KDM5C: variants seen among roughly 807,000 people sequenced by gnomAD.
The protein encoded by KDM5C is lysine-specific demethylase 5C.
A neutral mutation model predicts 110.6 loss-of-function variants in KDM5C; 16 were observed. The ratio of observed to expected loss-of-function variants is 0.14; its 90% CI spans 0.10 to 0.22. The LOEUF (loss-of-function observed/expected upper bound fraction) is 0.22. KDM5C is among the 10% of genes least tolerant of loss of function. The pLI is 1.00. For synonymous variants in KDM5C, 511 were observed against 520.4 expected (o/e 0.98, Z 0.24); for missense variants, 681 against 1,300.9 (o/e 0.52, Z 7.33).
chrX:53,207,968 C>CAAAAAAAAAAAAA (rs781945536), intron 12 of KDM5C, among the ~76,000 whole-genome samples: 2 of 30,593 alleles, frequency 6.5e-5, no homozygotes, highest in Non-Finnish European at 1.2e-4. Flanking sequence ...GACTCTGTCT[C>CAAAAAAAAAAAAA]AAAAAAAAAA....
At chrX:53,208,563 T>C (rs1256156276) in intron 12 of KDM5C, among the ~76,000 whole-genome samples, 1 of 90,607 alleles carries the variant, frequency 1.1e-5, no homozygotes, top group Non-Finnish European at 2.1e-5. Flanking sequence ...TGGAATGCAA[T>C]GGCACGATCT....
chrX:53,196,588 G>A (rs1336247377), intron 19 of KDM5C, 98 bp downstream of exon 19: 10 of 682,725 alleles, frequency 1.5e-5, no homozygotes, highest in Admixed American at 2.4e-5. Flanking sequence ...ACACAGGAGC[G>A]TGATACCTAA....
intron 20 of KDM5C, 69 bp from the exon 21 acceptor site, chrX:53,195,479 C>T: frequency 9.8e-7 from 1 of 1,019,625 alleles, no homozygotes; most frequent in Non-Finnish European, 1.4e-6. Flanking sequence ...CTGTGCCTGG[C>T]CCTGAGCTGG....
At position 53,192,165 on chromosome X, in the gene KDM5C, A is replaced by C. The variant is rs1279243678; in HGVS notation, c.*802T>G. The C allele has an allele frequency of 5.7e-6, 1 of 176,158 alleles. No homozygotes were observed. Among genetic ancestry groups the C allele is most frequent in the Non-Finnish European group, 1.1e-5 (1 of 91,600 alleles). The allele number at this position is 176,158 out of a possible 1,213,427, so 14.5% of individuals were successfully genotyped here. On this transcript the variant is annotated 3_prime_UTR_variant, in exon 26 of 26. Transcript: ENST00000375401. ...ATGCACTTCAGAAACATGTTTCCAA[A>C]AAATGTTTCTAAGGGTTTTATTTCT...
chrX:53,188,693 ACG>A (rs1934308666), downstream of KDM5C, among the ~76,000 whole-genome samples: 1 of 111,399 alleles, frequency 9.0e-6, no homozygotes, highest in Non-Finnish European at 1.9e-5. Context: ...CTTACTTCTA[ACG>A]AATAGAATAT....
chrX:53,215,713 G>A, intron 7 of KDM5C, 82 bp downstream of exon 7: 4 of 1,053,606 alleles, frequency 3.8e-6, no homozygotes, highest in South Asian at 1.9e-5. Context: ...TGGTTAATGC[G>A]AACTGGTCCA....
Position 53,194,520 on chromosome X carries a change from G to A in KDM5C, c.3657C>T (p.Leu1219=), listed in dbSNP as rs1556834384. 4.1e-6 allele frequency: 5 copies of A among 1,211,280 alleles called. No individual in the cohort carries two copies. Among genetic ancestry groups the A allele is most frequent in the Non-Finnish European group, 5.6e-6 (5 of 895,163 alleles). ...FHGRCVSVPR[L]LSSPRPNPTS... is the part of the protein sequence containing the mutation. ...TGGGATTGGGCCTCGGAGAGCTGAG[G>A]AGGCGAGGCACTGACACACACCGCC... Residue 1219 remains leucine (L), a synonymous_variant, in exon 23 of 26, where the codon CTC becomes CTT. Transcript: ENST00000375401.
chrX:53,202,071 C>A (rs1354018319), intron 12 of KDM5C, 98 bp from the exon 13 acceptor site: 4 of 1,014,813 alleles, frequency 3.9e-6, no homozygotes, highest in Non-Finnish European at 5.5e-6. Flanking sequence ...AGAAAAGCCT[C>A]AGGGAACACA....
intron 25 of KDM5C, among the ~76,000 whole-genome samples, chrX:53,183,607 C>T (rs1266229204): frequency 1.2e-4 from 12 of 102,347 alleles, no homozygotes; most frequent in Admixed American, 1.1e-3. Flanking sequence ...CTTGCTCTGT[C>T]ACCCAGGCTG....
chrX:53,190,081 T>C (rs1456287389), downstream of KDM5C, among the ~76,000 whole-genome samples: 1 of 112,258 alleles, frequency 8.9e-6, no homozygotes, highest in Non-Finnish European at 1.9e-5. Context: ...GGTGAGAAGA[T>C]ACCCACTGCT....
intron 12 of KDM5C, among the ~76,000 whole-genome samples, chrX:53,205,323 A>G (rs2073291667): frequency 8.9e-6 from 1 of 112,037 alleles, no homozygotes; most frequent in Admixed American, 9.5e-5. Context: ...CATCCTAACA[A>G]TATCAAATCT....
intron 25 of KDM5C, among the ~76,000 whole-genome samples, chrX:53,183,251 C>A (rs1435491773): frequency 3.0e-5 from 2 of 66,763 alleles, no homozygotes; most frequent in African/African-American, 1.0e-4. Flanking sequence ...CAGAGTGAGA[C>A]CCTGTCTCTA....
At chrX:53,183,866 C>A (rs1556827221) in intron 25 of KDM5C, among the ~76,000 whole-genome samples, 1 of 112,044 alleles carries the variant, frequency 8.9e-6, no homozygotes. Flanking sequence ...AGCAACCGCA[C>A]CCCGCTAGCT....
intron 8 of KDM5C, among the ~76,000 whole-genome samples, chrX:53,213,148 G>A (rs1556849832): frequency 8.9e-6 from 1 of 112,219 alleles, no homozygotes; most frequent in Non-Finnish European, 1.9e-5. Flanking sequence ...TATTTTAGAT[G>A]AGAACAATAT....
chrX:53,192,860 C>CCCCCCCG lies in KDM5C; in HGVS notation c.*106_*107insCGGGGGG. 1 of 675,401 alleles carries CCCCCCCG rather than the reference C, an allele frequency of 1.5e-6. No homozygotes were observed. Among genetic ancestry groups the CCCCCCCG allele is most frequent in the Non-Finnish European group, 2.0e-6 (1 of 507,079 alleles). The allele number at this position is 675,401 out of a possible 1,213,427, so 55.7% of individuals were successfully genotyped here. A position where few individuals can be genotyped will look rare whatever the true frequency, so the allele number is the denominator to read the frequency against. ...GGGGTGGGCGGGTAGCAGGGATGGC[C>CCCCCCCG]ACCCCCCTACCCGCCCACCCCCCAA... is the stretch of plus-strand genomic sequence containing the variant. On this transcript the variant is annotated 3_prime_UTR_variant, in exon 26 of 26. Coordinates refer to ENST00000375401, the MANE Select transcript of KDM5C (RefSeq NM_004187.5).
At chrX:53,181,070 G>A (rs1934032341) in intron 25 of KDM5C, among the ~76,000 whole-genome samples, 1 of 108,879 alleles carries the variant, frequency 9.2e-6, no homozygotes, top group Admixed American at 9.9e-5. Context: ...CGCCCACCTC[G>A]GCCTTCCAAA....
chrX:53,181,122 T>C (rs1934033312), intron 25 of KDM5C, among the ~76,000 whole-genome samples: 1 of 109,110 alleles, frequency 9.2e-6, no homozygotes, highest in Admixed American at 9.9e-5. Flanking sequence ...CTAGCCTATA[T>C]TTATATATAT....
intron 1 of KDM5C, among the ~76,000 whole-genome samples, chrX:53,222,187 C>A (rs1218879921): frequency 3.6e-5 from 4 of 109,973 alleles, no homozygotes; most frequent in Non-Finnish European, 7.6e-5. Context: ...CATGCATACA[C>A]GTGGGCGGGG....
chrX:53,195,425 G>A lies in KDM5C; in HGVS notation c.3121-15C>T, dbSNP rs191225629. The stretch of plus-strand genomic sequence containing the variant: ...TGGTCACCATTCTAAGGCCAAGGGC[G>A]AGAGACAGCTCAGTTCAACTTGCCA... On this transcript the variant is annotated splice_polypyrimidine_tract_variant and intron_variant, in intron 20 of 25. Transcript: ENST00000375401. 17 of 1,190,166 alleles carry A rather than the reference G, an allele frequency of 1.4e-5. No homozygotes were observed. In the East Asian group the frequency reaches 1.8e-4, roughly 13 times the overall value.
Sources: gnomAD v4.1 joint callset for allele counts (sites outside exome capture counted in the v4.1 genomes callset) on GRCh38, gnomAD v4.1.1 for gene constraint, MANE v1.5 for transcripts, NCBI Gene and HGNC (gene_info 2026-07-23, HGNC 2026-07-21) for gene names.